LPP: variants seen among roughly 807,000 people sequenced by gnomAD.
The protein encoded by LPP is LIM domain containing preferred translocation partner in lipoma, also known as lipoma-preferred partner.
LPP carries 38 observed loss-of-function variants against 60.4 expected under a neutral mutation model. The ratio of observed to expected loss-of-function variants is 0.63; its 90% CI spans 0.49 to 0.83. The LOEUF is 0.83. LPP is among the 40% of genes least tolerant of loss of function. LPP has a pLI of 0.00. For synonymous variants in LPP, 328 were observed against 290.8 expected (o/e 1.13, Z -1.30); for missense variants, 902 against 783.6 (o/e 1.15, Z -1.80).
At position 188,881,095 on chromosome 3, in the gene LPP, G is replaced by C. The variant is rs1346026775; in HGVS notation, c.*6616G>C. ...GCGGAGCTTTCAGTGAGCCGAGATAGCGCCACTGCAGTCCGGCCTGGGCGA... is the reference window on the plus strand; with the variant it reads ...GCGGAGCTTTCAGTGAGCCGAGATACCGCCACTGCAGTCCGGCCTGGGCGA... On this transcript the variant is annotated 3_prime_UTR_variant, in exon 12 of 12. Transcript: ENST00000617246. 7 of 150,410 alleles carry C rather than the reference G, an allele frequency of 4.7e-5. No homozygotes were observed. The highest frequency in any genetic ancestry group is 1.6e-4 in the African/African-American group (6 of 38,214). 9.3% of individuals were successfully genotyped at this position (150,410 alleles called of 1,614,324 possible). A position where few individuals can be genotyped will look rare whatever the true frequency, so the allele number is the denominator to read the frequency against.
intron 7 of LPP, among the ~76,000 whole-genome samples, chr3:188,662,961 C>G (rs1440222033): frequency 6.6e-6 from 1 of 152,250 alleles, no homozygotes; most frequent in East Asian, 1.9e-4. Flanking sequence ...TTAATAAACA[C>G]AGTCAGCTTG....
intron 9 of LPP, among the ~76,000 whole-genome samples, chr3:188,762,971 CT>C (rs1208273438): frequency 1.3e-5 from 2 of 152,060 alleles, no homozygotes; most frequent in African/African-American, 2.4e-5. Context: ...TTAATTTCTT[CT>C]GAACTTTTAT....
intron 7 of LPP, among the ~76,000 whole-genome samples, chr3:188,641,844 A>ACATT (rs1850204852): frequency 6.6e-6 from 1 of 152,186 alleles, no homozygotes; most frequent in African/African-American, 2.4e-5. Context: ...AATGGCTGTG[A>ACATT]CATTCATCCT....
chr3:188,240,551 G>C (rs554069392), intron 2 of LPP, among the ~76,000 whole-genome samples: 2 of 152,226 alleles, frequency 1.3e-5, no homozygotes, highest in African/African-American at 2.4e-5. Context: ...GCCTAGAGTA[G>C]TTGAGAGCTT....
chr3:188,642,066 C>T (rs746554269), intron 7 of LPP, among the ~76,000 whole-genome samples: 2 of 152,056 alleles, frequency 1.3e-5, no homozygotes, highest in Non-Finnish European at 2.9e-5. Context: ...TCTGCCCATG[C>T]TTACTTCATA....
intron 1 of LPP, among the ~76,000 whole-genome samples, chr3:188,186,189 C>G (rs1330665910): frequency 9.9e-5 from 15 of 152,192 alleles, no homozygotes; most frequent in Non-Finnish European, 1.5e-5. Context: ...GCTCCAACCC[C>G]CAGGCCTTGG....
chr3:188,483,871 G>C (rs1805520173), intron 4 of LPP, among the ~76,000 whole-genome samples: 6 of 152,134 alleles, frequency 3.9e-5, no homozygotes, highest in Admixed American at 3.9e-4. Context: ...TTCTTTCTCA[G>C]AAATCCTTGG....
At chr3:188,618,343 A>G (rs976710584) in intron 7 of LPP, among the ~76,000 whole-genome samples, 3 of 152,232 alleles carry the variant, frequency 2.0e-5, no homozygotes, top group Non-Finnish European at 4.4e-5. Context: ...ATATGAGATA[A>G]TAACATTTAA....
At chr3:188,371,808 C>T (rs1363832565) in intron 3 of LPP, among the ~76,000 whole-genome samples, 1 of 150,006 alleles carries the variant, frequency 6.7e-6, no homozygotes, top group Non-Finnish European at 1.5e-5. Context: ...GTGTGCACCA[C>T]GACACCTGGC....
At chr3:188,307,912 G>T (rs1419312090) in intron 2 of LPP, among the ~76,000 whole-genome samples, 1 of 152,150 alleles carries the variant, frequency 6.6e-6, no homozygotes, top group Admixed American at 6.5e-5. Flanking sequence ...CTACTACACT[G>T]GATCCATTCT....
At chr3:188,505,952 A>T (rs1167748158) in intron 5 of LPP, among the ~76,000 whole-genome samples, 9 of 152,130 alleles carry the variant, frequency 5.9e-5, no homozygotes, top group Admixed American at 5.9e-4. Flanking sequence ...AGCACACTGT[A>T]TCTCCCACTG....
chr3:188,639,217 C>G (rs539562775), intron 7 of LPP, among the ~76,000 whole-genome samples: 13 of 152,216 alleles, frequency 8.5e-5, no homozygotes, highest in Admixed American at 7.2e-4. Flanking sequence ...CGCCGCATAT[C>G]TACAACCATC....
intron 6 of LPP, among the ~76,000 whole-genome samples, chr3:188,575,747 A>G (rs958897378): frequency 1.3e-5 from 2 of 152,126 alleles, no homozygotes; most frequent in Non-Finnish European, 2.9e-5. Context: ...CTTTTTTTAA[A>G]TTAAATTAGC....
chr3:188,709,169 T>C (rs1866095768), intron 8 of LPP: 2 of 152,090 alleles, frequency 1.3e-5, no homozygotes, highest in Non-Finnish European at 2.9e-5. Context: ...AATCCATGAA[T>C]ATAATGCAAA....
chr3:188,547,586 C>G (rs891061923), intron 6 of LPP, among the ~76,000 whole-genome samples: 1 of 152,174 alleles, frequency 6.6e-6, no homozygotes, highest in Non-Finnish European at 1.5e-5. Context: ...TTGCAATACA[C>G]TGTCTCTTTT....
intron 9 of LPP, among the ~76,000 whole-genome samples, chr3:188,841,015 G>T (rs1759824356): frequency 6.6e-6 from 1 of 152,136 alleles, no homozygotes; most frequent in Non-Finnish European, 1.5e-5. Context: ...CAGTGCAGGA[G>T]GTACTGTGTG....
intron 7 of LPP, among the ~76,000 whole-genome samples, chr3:188,682,184 C>G (rs746564915): frequency 2.6e-5 from 4 of 152,136 alleles, no homozygotes; most frequent in Non-Finnish European, 4.4e-5. Context: ...TTTTCTATTT[C>G]CTTATTCTCT....
chr3:188,332,215 T>A (rs1578150673), intron 2 of LPP, among the ~76,000 whole-genome samples: 1 of 152,208 alleles, frequency 6.6e-6, no homozygotes, highest in South Asian at 2.1e-4. Context: ...TCTATGTGAA[T>A]TTTCGCAGCT....
intron 2 of LPP, among the ~76,000 whole-genome samples, chr3:188,248,497 T>TATATATATATATATATATATATATAC (rs1288280759): frequency 1.4e-4 from 19 of 140,708 alleles, no homozygotes; most frequent in South Asian, 2.3e-4. Context: ...TATATATATA[T>TATATATATATATATATATATATATAC]ACAGTCAGCA....
Sources: gnomAD v4.1 joint callset for allele counts (sites outside exome capture counted in the v4.1 genomes callset) on GRCh38, gnomAD v4.1.1 for gene constraint, MANE v1.5 for transcripts, NCBI Gene and HGNC (gene_info 2026-07-23, HGNC 2026-07-21) for gene names.